Variants in NEB observed in about 807,000 individuals in gnomAD.
The protein encoded by NEB is nemaline myopathy type 2.
Under a neutral mutation model 952.2 loss-of-function variants are expected in NEB, and 512 were observed. The ratio of observed to expected loss-of-function variants is 0.54; its 90% CI spans 0.50 to 0.58. The LOEUF is 0.58. Among genes scored for constraint, NEB ranks in the 20% least tolerant of loss-of-function variants. NEB has a pLI of 0.00. For missense variants in NEB, 8,428 were observed against 9,231.1 expected (o/e 0.91, Z 3.56); for synonymous variants, 2,900 against 3,149.8 (o/e 0.92, Z 2.66).
At chr2:151,688,223 T>G (rs1576386086) in intron 25 of NEB, 69 bp downstream of exon 25, 2 of 1,276,222 alleles carry the variant, frequency 1.6e-6, no homozygotes, top group East Asian at 4.8e-5. Flanking sequence ...TTGTCTTGTC[T>G]TTTAAAATTT....
At position 151,616,128 on chromosome 2, in the gene NEB, T is replaced by C; in HGVS notation, c.11182-19A>G. The C allele has an allele frequency of 6.8e-7, 1 of 1,468,250 alleles. No homozygotes were observed. Among genetic ancestry groups the C allele is most frequent in the Non-Finnish European group, 9.5e-7 (1 of 1,056,402 alleles). 91.0% of individuals were successfully genotyped at this position (1,468,250 alleles called of 1,614,324 possible). A position where few individuals can be genotyped will look rare whatever the true frequency, so the allele number is the denominator to read the frequency against. On this transcript the variant is annotated intron_variant, in intron 75 of 181. Transcript: ENST00000397345. ...AGAGTTTCTGTAGAAAAGAAAGTCA[T>C]TACTCATTTACTCCTTCCATAAAAA...
chr2:151,655,703 G>T, intron 50 of NEB, 114 bp downstream of exon 50: 1 of 1,101,612 alleles, frequency 9.1e-7, no homozygotes, highest in Non-Finnish European at 1.3e-6. Flanking sequence ...GATCTGGAAT[G>T]GTTTGCCACA....
chr2:151,695,498 A>G, intron 18 of NEB, 80 bp downstream of exon 18: 1 of 958,662 alleles, frequency 1.0e-6, no homozygotes, highest in South Asian at 1.5e-5. Flanking sequence ...TAATCTATTC[A>G]TTGAATTGCA....
intron 124 of NEB, 59 bp from the exon 125 acceptor site, chr2:151,555,103 T>G: frequency 8.4e-7 from 1 of 1,195,012 alleles, no homozygotes; most frequent in East Asian, 2.3e-5. Context: ...TTTATATTAT[T>G]AAAACAGCAT....
At chr2:151,653,064 C>T (rs1165175587) in intron 52 of NEB, among the ~76,000 whole-genome samples, 1 of 152,060 alleles carries the variant, frequency 6.6e-6, no homozygotes, top group Non-Finnish European at 1.5e-5. Flanking sequence ...TAAAATCTTC[C>T]CCTATATTCT....
At chr2:151,512,682 C>G in intron 161 of NEB, 51 bp downstream of exon 161, 1 of 1,276,996 alleles carries the variant, frequency 7.8e-7, no homozygotes, top group Non-Finnish European at 1.1e-6. Flanking sequence ...GAAGGACTTC[C>G]ATTCTTTCAT....
At chr2:151,552,883 T>A in intron 127 of NEB, 107 bp from the exon 128 acceptor site, 1 of 727,402 alleles carries the variant, frequency 1.4e-6, no homozygotes, top group Admixed American at 2.2e-5. Context: ...TTTATATTCA[T>A]CAGCACTACT....
rs563331627 is a variant in NEB, at chr2:151,707,139, A to C, written c.1036-142T>G. ...GACATTTTATAAACAAAATACTCAT[A>C]GTAACTCTTAAAAGCAGCAGAGAAA... On this transcript the variant is annotated intron_variant, in intron 12 of 181. Transcript: ENST00000397345. 6.6e-6 allele frequency: 4 copies of C among 604,968 alleles called. No homozygotes were observed. In the South Asian group the frequency reaches 8.6e-5, roughly 13 times the overall value. The allele number at this position is 604,968 out of a possible 1,614,324, so 37.5% of individuals were successfully genotyped here. A position where few individuals can be genotyped will look rare whatever the true frequency, so the allele number is the denominator to read the frequency against.
At chr2:151,489,281 T>G (rs2054038277) in intron 181 of NEB, among the ~76,000 whole-genome samples, 1 of 152,218 alleles carries the variant, frequency 6.6e-6, no homozygotes, top group African/African-American at 2.4e-5. Context: ...GGTTTTAAAC[T>G]AAGAGTTGTG....
At position 151,630,788 on chromosome 2, in the gene NEB, T is replaced by C; in HGVS notation, c.9650A>G (p.Lys3217Arg). Residue 3217 changes from lysine (K) to arginine (R), a missense_variant, in exon 67 of 182, where the codon AAG (lysine) becomes AGG (arginine). By Grantham distance (26) the Lys-to-Arg change is conservative. Transcript: ENST00000397345. ...ATCAGGCATTATGTGAATTTGAGTC[T>C]TGTCTTTGTCCCAGGCCTCTGTGTA... is the stretch of plus-strand genomic sequence containing the variant. ...RLYTEAWDKD[K>R]TQIHIMPDTP... is the part of the protein sequence containing the mutation. 1 of 1,611,240 alleles carries C rather than the reference T, an allele frequency of 6.2e-7. No individual in the cohort carries two copies.
chr2:151,498,373 C>A, intron 169 of NEB, 21 bp from the exon 170 acceptor site: 2 of 1,505,252 alleles, frequency 1.3e-6, no homozygotes, highest in Admixed American at 2.1e-5. Context: ...AGAAAGCATC[C>A]AGAACAAAAA....
rs1237771028 is a variant in NEB at position 151,643,952 on chromosome 2, C to G, written c.7822G>C (p.Gly2608Arg). The change falls in exon 57 of 182, where the codon GGG (glycine) becomes CGG (arginine). Residue 2608 changes from glycine (G) to arginine (R), a missense_variant. Gly to Arg is a moderately radical substitution (Grantham distance 125). Coordinates refer to ENST00000397345, the MANE Select transcript of NEB (RefSeq NM_001164508.2). ...TGGCACTTCTTGGCCAACACCACCC[C>G]CAGCATGTCCACTGGGCTGCTGAAC... ...TKFSSPVDMLGVVLAKKCQTL... is the reference protein window; with the variant it reads ...TKFSSPVDMLRVVLAKKCQTL... The G allele has an allele frequency of 3.1e-6, 5 of 1,613,912 alleles. No homozygotes were observed. In the South Asian group the frequency reaches 5.5e-5, roughly 18 times the overall value.
rs1230632988 is a variant in NEB at position 151,644,048 on chromosome 2, A to G, written c.7726T>C (p.Trp2576Arg). 1 of 1,613,944 alleles carries G rather than the reference A, an allele frequency of 6.2e-7. No individual in the cohort carries two copies. The highest frequency in any genetic ancestry group is 1.7e-5 in the Admixed American group (1 of 60,012). ...TGGATCTTGGCCACATGCATGGACC[A>G]CATCATCTTGGGGTCATCTTCAATG... Reference protein sequence around the residue: ...RNIEDDPKMMWSMHVAKIQSD... With the variant: ...RNIEDDPKMMRSMHVAKIQSD... Residue 2576 changes from tryptophan to arginine, a missense_variant, in exon 57 of 182, where the codon TGG becomes CGG. Physicochemically the swap from Trp to Arg is moderately radical, Grantham distance 101. Around this residue, in one of 11 missense-constraint regions of NEB, gnomAD observed 1,772 missense variants for 1,960.3 expected, o/e 0.90. Coordinates refer to ENST00000397345, the MANE Select transcript of NEB (RefSeq NM_001164508.2).
rs1454054913 is a variant in NEB, at chr2:151,519,705, T to C, written c.22543A>G (p.Ser7515Gly). The change falls in exon 154 of 182, where the codon AGC becomes GGC. Residue 7515 changes from serine to glycine, a missense_variant. By Grantham distance (56) the Ser-to-Gly change is moderately conservative (BLOSUM62 0). This residue lies in a region of NEB where 3,374 missense variants were observed against 3,651.5 expected (regional missense o/e 0.92). Coordinates refer to ENST00000397345, the MANE Select transcript of NEB (RefSeq NM_001164508.2). ...TCTTTCATGACTTTGTAGAGCTGGC[T>C]GTCTTTTGGATTGTATTTTGGTGTC... ...GKTPKYNPKD[S>G]QLYKVMKDAN... The C allele has an allele frequency of 5.5e-5, 89 of 1,613,348 alleles. No homozygotes were observed. The highest frequency in any genetic ancestry group is 7.4e-5 in the Non-Finnish European group (87 of 1,179,538).
At chr2:151,673,692 C>T (rs768547881) in intron 36 of NEB, among the ~76,000 whole-genome samples, 3 of 150,598 alleles carry the variant, frequency 2.0e-5, no homozygotes, top group Non-Finnish European at 4.4e-5. Context: ...TAACAGTGAA[C>T]TCTGCAGGGC....
chr2:151,584,032 C>A lies in NEB; in HGVS notation c.15664-266G>T, dbSNP rs2097177588. On this transcript the variant is annotated intron_variant, in intron 100 of 181. Coordinates refer to ENST00000397345, the MANE Select transcript of NEB (RefSeq NM_001164508.2). Reference sequence around the variant, plus strand: ...ATAGCTAACATTTACTAAGTAATTACTCTATGCCGGACACTATTATGACTA... The same window carrying A: ...ATAGCTAACATTTACTAAGTAATTAATCTATGCCGGACACTATTATGACTA... 2.3e-5 allele frequency among the ~76,000 whole-genome samples: 2 copies of A among 86,890 alleles called. 1 individual carries two copies. The highest frequency in any genetic ancestry group is 8.9e-5 in the African/African-American group (2 of 22,592). The allele number at this position is 86,890 out of a possible 152,430, so 57.0% of individuals were successfully genotyped here. A position where few individuals can be genotyped will look rare whatever the true frequency, so the allele number is the denominator to read the frequency against.
At chr2:151,563,235 G>C (rs781753281) in intron 119 of NEB, among the ~76,000 whole-genome samples, 1 of 151,964 alleles carries the variant, frequency 6.6e-6, no homozygotes, top group Admixed American at 6.6e-5. Flanking sequence ...GGCCAGTCTC[G>C]AACTCCTGAC....
chr2:151,662,135 T>A lies in NEB; in HGVS notation c.5970A>T (p.Glu1990Asp). The A allele has an allele frequency of 6.2e-7, 1 of 1,609,262 alleles. No individual in the cohort carries two copies. The stretch of plus-strand genomic sequence containing the variant: ...AACACTGCATTATTGAAAGACTTAC[T>A]TCGTTCATAATTTTTGCATTATTCT... Reference protein sequence around the residue: ...LAQNNAKIMNEHLYKQAWEAD... With the variant: ...LAQNNAKIMNDHLYKQAWEAD... Residue 1990 changes from glutamate (E) to aspartate (D), a missense_variant and splice_region_variant, in exon 46 of 182, where the codon GAA becomes GAT. This residue lies in a region of NEB where 2,851 missense variants were observed against 2,791.5 expected (regional missense o/e 1.02). Transcript: ENST00000397345.
At chr2:151,672,738 A>T (rs2099315646) in intron 36 of NEB, 58 bp from the exon 37 acceptor site, 9 of 1,412,966 alleles carry the variant, frequency 6.4e-6, no homozygotes, top group Non-Finnish European at 7.8e-6. Context: ...TAGCGCTGCA[A>T]TTACATTCAC....
Sources: allele counts gnomAD v4.1 joint callset (sites outside exome capture counted in the v4.1 genomes callset), GRCh38; gene constraint gnomAD v4.1.1; regional missense constraint gnomAD v4.1.1; transcripts MANE v1.5; gene names NCBI Gene and HGNC (gene_info 2026-07-23, HGNC 2026-07-21).